GALNT9: variants seen among roughly 807,000 people sequenced by gnomAD.
GALNT9 encodes GalNAc transferase 9.
GALNT9 carries 47 observed loss-of-function variants against 63.1 expected under a neutral mutation model. That is an observed-to-expected ratio of 0.75 (90% CI 0.59 to 0.95). The LOEUF is 0.95. Among genes scored for constraint, GALNT9 ranks in the 40% least tolerant of loss-of-function variants. The pLI is 0.00. For missense variants in GALNT9, 829 were observed against 874.8 expected (o/e 0.95, Z 0.66); for synonymous variants, 396 against 365.7 (o/e 1.08, Z -0.94).
intron 6 of GALNT9, among the ~76,000 whole-genome samples, chr12:132,211,886 G>A (rs941829251): frequency 2.8e-4 from 43 of 152,216 alleles, no homozygotes; most frequent in Admixed American, 2.6e-3. Context: ...TGCAATCCAC[G>A]CCTGTGGGCT....
At chr12:132,219,660 T>C (rs1186210304) in intron 6 of GALNT9, among the ~76,000 whole-genome samples, 2 of 150,720 alleles carry the variant, frequency 1.3e-5, no homozygotes, top group Non-Finnish European at 3.0e-5. Flanking sequence ...CGCGCTTGGG[T>C]AAGGGGAAGG....
At chr12:132,267,825 G>GCACACACACACGCACTCACATA (rs1879684331) in intron 2 of GALNT9, among the ~76,000 whole-genome samples, 3 of 79,102 alleles carry the variant, frequency 3.8e-5, no homozygotes, top group African/African-American at 1.6e-4. Flanking sequence ...ACTCACACAT[G>GCACACACACACGCACTCACATA]CAGTCACACA....
Position 132,201,371 on chromosome 12 carries a change from C to G in GALNT9, c.1264-110G>C, listed in dbSNP as rs934801604. On this transcript the variant is annotated intron_variant, in intron 7 of 10. Transcript: ENST00000328957. ...GACCAAGTGCCCTCACAGGAGCAGCCTCCCCCCCAGTATTCAGATGCTGAG... is the reference window on the plus strand; with the variant it reads ...GACCAAGTGCCCTCACAGGAGCAGCGTCCCCCCCAGTATTCAGATGCTGAG... 2.6e-5 allele frequency: 18 copies of G among 686,474 alleles called. No homozygotes were observed. In the African/African-American group the frequency reaches 3.0e-4, roughly 12 times the overall value. 42.5% of individuals were successfully genotyped at this position (686,474 alleles called of 1,614,324 possible). A position where few individuals can be genotyped will look rare whatever the true frequency, so the allele number is the denominator to read the frequency against.
At chr12:132,251,432 G>C (rs1038957494) in intron 5 of GALNT9, among the ~76,000 whole-genome samples, 4 of 152,188 alleles carry the variant, frequency 2.6e-5, no homozygotes, top group Non-Finnish European at 5.9e-5. Context: ...TCCGCTTTCC[G>C]GGGAGGGGAG....
chr12:132,211,056 T>G (rs1485917468), intron 6 of GALNT9, among the ~76,000 whole-genome samples: 1 of 152,158 alleles, frequency 6.6e-6, no homozygotes, highest in Non-Finnish European at 1.5e-5. Flanking sequence ...AAGGGCCCAG[T>G]TCTTCTCCAC....
chr12:132,239,634 ACAGAGTCAGAG>A lies in GALNT9; in HGVS notation c.1077+8265_1077+8275del, dbSNP rs1555236698. Among the ~76,000 whole-genome samples the A allele has an allele frequency of 1.4e-4, 12 of 86,136 alleles. No individual in the cohort carries two copies. In the Admixed American group the frequency reaches 1.5e-3, roughly 11 times the overall value. The allele number at this position is 86,136 out of a possible 152,430, so 56.5% of individuals were successfully genotyped here. A position where few individuals can be genotyped will look rare whatever the true frequency, so the allele number is the denominator to read the frequency against. ...CACTGAGAGACTGAGAGACAGAGAGACAGAGTCAGAGACAGAGTCAGAGACAGAGAGAGACA... is the reference window on the plus strand; with the variant it reads ...CACTGAGAGACTGAGAGACAGAGAGAACAGAGTCAGAGACAGAGAGAGACA... On this transcript the variant is annotated intron_variant, in intron 6 of 10. Transcript: ENST00000328957.
rs973008593 is a variant in GALNT9 at position 132,210,688 on chromosome 12, G to A, written c.1078-6998C>T. On this transcript the variant is annotated intron_variant, in intron 6 of 10. Transcript: ENST00000328957. ...AGCTGGCATGGGCAGGCTGTGCTGC[G>A]GTCAGGGAAGCTGACCATCTTAATG... Among the ~76,000 whole-genome samples, 9 of 152,322 alleles carry A rather than the reference G, an allele frequency of 5.9e-5. No homozygotes were observed. In the Middle Eastern group the frequency reaches 0.01, roughly 173 times the overall value.
rs888605698 is a variant in GALNT9 at position 132,238,688 on chromosome 12, C to G, written c.1077+9222G>C. Among the ~76,000 whole-genome samples the G allele has an allele frequency of 6.6e-6, 1 of 152,086 alleles. No homozygotes were observed. Among genetic ancestry groups the G allele is most frequent in the African/African-American group, 2.4e-5 (1 of 41,398 alleles). The stretch of plus-strand genomic sequence containing the variant: ...CGTGGCCCTGGGCAGGTCACTCAGC[C>G]TCTCTGGGCCTCAGCTCCTCCCCAG... On this transcript the variant is annotated intron_variant, in intron 6 of 10. Transcript: ENST00000328957. This position sits in a 1 kb window ranked among gnomAD's most constrained non-coding sequence, Gnocchi z 6.5.
intron 1 of GALNT9, among the ~76,000 whole-genome samples, chr12:132,326,257 A>G (rs1869032850): frequency 6.6e-6 from 1 of 152,226 alleles, no homozygotes. Flanking sequence ...TGCGCACAAA[A>G]CCATGGATGC....
intron 1 of GALNT9, among the ~76,000 whole-genome samples, chr12:132,325,321 G>C (rs528072910): frequency 6.6e-6 from 1 of 152,338 alleles, no homozygotes; most frequent in African/African-American, 2.4e-5. Context: ...GGAGTGCTAT[G>C]TTCACAGTAC....
At chr12:132,306,340 C>A (rs1010301474) in intron 1 of GALNT9, among the ~76,000 whole-genome samples, 1 of 152,238 alleles carries the variant, frequency 6.6e-6, no homozygotes, top group Non-Finnish European at 1.5e-5. Flanking sequence ...ATGGGAGCTG[C>A]TGTCCGGGAT....
rs1878088448 is a variant in GALNT9 at position 132,238,531 on chromosome 12, C to A, written c.1077+9379G>T. ...CGGTTTTGCAGATGCCCAGGACAGG[C>A]CAGAGGGCGGGGCCGTGGCATGGGG... On this transcript the variant is annotated intron_variant, in intron 6 of 10. Transcript: ENST00000328957. This position sits in a 1 kb window ranked among gnomAD's most constrained non-coding sequence, Gnocchi z 6.5. Among the ~76,000 whole-genome samples, 1 of 152,108 alleles carries A rather than the reference C, an allele frequency of 6.6e-6. No individual in the cohort carries two copies. Among genetic ancestry groups the A allele is most frequent in the Admixed American group, 6.5e-5 (1 of 15,278 alleles).
rs1158734188 is a variant in GALNT9, at chr12:132,197,137, G to C, written c.1782C>G (p.Ile594Met). 1.2e-6 allele frequency: 2 copies of C among 1,614,040 alleles called. No homozygotes were observed. Among genetic ancestry groups the C allele is most frequent in the East Asian group, 4.5e-5 (2 of 44,896 alleles). Residue 594 changes from isoleucine to methionine, a missense_variant, in exon 11 of 11, where the codon ATC (isoleucine) becomes ATG (methionine). Coordinates refer to ENST00000328957, the MANE Select transcript of GALNT9 (RefSeq NM_001122636.2). ...VQRCSGQKWMIRNWIKHARH is the reference protein window; with the variant it reads ...VQRCSGQKWMMRNWIKHARH ...GCCGTGCGTGTTTGATCCAGTTTCT[G>C]ATCATCCACTTCTGCCCCGAGCACC...
intron 2 of GALNT9, among the ~76,000 whole-genome samples, chr12:132,284,776 C>T (rs1880522826): frequency 6.6e-6 from 1 of 152,228 alleles, no homozygotes; most frequent in African/African-American, 2.4e-5. Context: ...AGAATCAGTC[C>T]CCAGCACGCA....
At chr12:132,240,207 G>C (rs2136897891) in intron 6 of GALNT9, among the ~76,000 whole-genome samples, 2 of 152,282 alleles carry the variant, frequency 1.3e-5, no homozygotes, top group East Asian at 3.9e-4. Context: ...AAATGGCGGG[G>C]TTGAGTGGGG....
chr12:132,274,380 C>T, intron 2 of GALNT9: 1 of 152,394 alleles, frequency 6.6e-6, no homozygotes, highest in East Asian at 1.9e-4. Flanking sequence ...CTTCAAGAGG[C>T]TCACCCCGTG....
Position 132,245,662 on chromosome 12 carries a change from C to A in GALNT9, c.1077+2248G>T, listed in dbSNP as rs1364288359. ...TCCAGCACCCACACCCCCAGCCCGG[C>A]CTGCTGACCCTCGCCCACCACACAG... is the stretch of plus-strand genomic sequence containing the variant. On this transcript the variant is annotated intron_variant, in intron 6 of 10. Transcript: ENST00000328957. This position sits in a 1 kb window ranked among gnomAD's most constrained non-coding sequence, Gnocchi z 6.3. Among the ~76,000 whole-genome samples, 10 of 152,214 alleles carry A rather than the reference C, an allele frequency of 6.6e-5. No homozygotes were observed. The highest frequency in any genetic ancestry group is 6.5e-4 in the Admixed American group (10 of 15,294).
At chr12:132,203,846 G>A (rs1047186076) in intron 6 of GALNT9, among the ~76,000 whole-genome samples, 156 bp from the exon 7 acceptor site, 24 of 152,102 alleles carry the variant, frequency 1.6e-4, no homozygotes, top group African/African-American at 3.9e-4. Flanking sequence ...TTTGCCTCTC[G>A]GGGGCTGTTT....
At chr12:132,328,442 C>G (rs1555246677) in intron 1 of GALNT9, among the ~76,000 whole-genome samples, 2 of 152,236 alleles carry the variant, frequency 1.3e-5, no homozygotes, top group Non-Finnish European at 2.9e-5. Context: ...ACCCCCAGGA[C>G]AGGGGGCCGC....
Sources: allele counts gnomAD v4.1 joint callset (sites outside exome capture counted in the v4.1 genomes callset), GRCh38; gene constraint gnomAD v4.1.1; non-coding constraint Gnocchi (gnomAD v3.1); transcripts MANE v1.5; gene names NCBI Gene and HGNC (gene_info 2026-07-23, HGNC 2026-07-21).